ATP9A: variants seen among roughly 807,000 people sequenced by gnomAD.
ATP9A encodes the protein probable phospholipid-transporting ATPase IIA.
Under a neutral mutation model 144.1 loss-of-function variants are expected in ATP9A, and 52 were observed. The observed-to-expected ratio is 0.36, with a 90% CI of 0.29 to 0.45. The LOEUF (loss-of-function observed/expected upper bound fraction) is 0.45. Ranked by LOEUF, ATP9A falls within the 20% of genes least tolerant of loss-of-function variation. The pLI, the probability that ATP9A is intolerant of heterozygous loss-of-function variation, is 1.00. For synonymous variants in ATP9A, 582 were observed against 557.4 expected, an observed-to-expected ratio of 1.04 and a Z score of -0.62; for missense variants, 947 against 1,392.7, an observed-to-expected ratio of 0.68 and a Z score of 5.09.
intron 4 of ATP9A, among the ~76,000 whole-genome samples, chr20:51,704,338 G>A (rs2077606413): frequency 6.6e-6 from 1 of 151,428 alleles, no homozygotes; most frequent in Non-Finnish European, 1.5e-5. Flanking sequence ...AATACCTTTT[G>A]GGAATAACAG....
intron 25 of ATP9A, 106 bp downstream of exon 25, chr20:51,608,412 G>A: frequency 3.9e-6 from 3 of 775,812 alleles, no homozygotes; most frequent in Non-Finnish European, 6.9e-6. Flanking sequence ...ATCAGAATTG[G>A]AGGGTCTGTG....
At chr20:51,632,624 C>T (rs1374124844) in intron 15 of ATP9A, among the ~76,000 whole-genome samples, 1 of 152,096 alleles carries the variant, frequency 6.6e-6, no homozygotes, top group African/African-American at 2.4e-5. Flanking sequence ...CGAATGCCCC[C>T]AGGATGAGAA....
chr20:51,617,444 C>G, intron 22 of ATP9A, 46 bp downstream of exon 22: 1 of 1,573,058 alleles, frequency 6.4e-7, no homozygotes, highest in Non-Finnish European at 8.6e-7. Flanking sequence ...GAAAAAGAAC[C>G]AAGAAACTAC....
In ATP9A at chr20:51,638,893, G is replaced by A. The variant is rs111629306; in HGVS notation, c.1668+450C>T. Among the ~76,000 whole-genome samples, 1,338 of 152,128 alleles carry A rather than the reference G, an allele frequency of 8.8e-3. 19 individuals are homozygous for A. Among genetic ancestry groups the A allele is most frequent in the African/African-American group, 0.03 (1,248 of 41,494 alleles). On this transcript the variant is annotated intron_variant, in intron 15 of 27. Coordinates refer to ENST00000338821, the MANE Select transcript of ATP9A (RefSeq NM_006045.3). The stretch of plus-strand genomic sequence containing the variant: ...CTTCAGACTGGCAAAATTTTTTAAC[G>A]TGCCCGGCCACAAGGTTTCTTTTTT...
At chr20:51,660,094 C>A (rs1034276071) in intron 13 of ATP9A, among the ~76,000 whole-genome samples, 1 of 152,010 alleles carries the variant, frequency 6.6e-6, no homozygotes, top group South Asian at 2.1e-4. Flanking sequence ...TTAAAAAATT[C>A]TATAATTTAG....
rs576127237 is a variant in ATP9A, at chr20:51,611,909, A to C, written c.2572-1744T>G. On this transcript the variant is annotated intron_variant, in intron 23 of 27. Transcript: ENST00000338821. The surrounding 1 kb of genome is among the most constrained non-coding windows in gnomAD (Gnocchi z 4.2). ...TAAAACATAAAATCACCCCCAAAAA[A>C]CTGGGGTGTAGCCAGTGGACGGAAA... 6.6e-6 allele frequency among the ~76,000 whole-genome samples: 1 copy of C among 152,276 alleles called. No individual in the cohort carries two copies. The highest frequency in any genetic ancestry group is 2.1e-4 in the South Asian group (1 of 4,818).
intron 4 of ATP9A, among the ~76,000 whole-genome samples, chr20:51,699,927 C>A (rs2077586590): frequency 6.6e-6 from 1 of 152,182 alleles, no homozygotes; most frequent in Non-Finnish European, 1.5e-5. Flanking sequence ...AGGCATGAGC[C>A]ACTGCGCCCG....
intron 1 of ATP9A, among the ~76,000 whole-genome samples, chr20:51,731,763 T>G (rs950417198): frequency 6.6e-6 from 1 of 151,920 alleles, no homozygotes; most frequent in Non-Finnish European, 1.5e-5. Flanking sequence ...GCACCCAAGT[T>G]TGCAGAGACG....
chr20:51,653,209 G>C (rs1308899369), intron 14 of ATP9A, among the ~76,000 whole-genome samples: 1 of 149,070 alleles, frequency 6.7e-6, no homozygotes, highest in Non-Finnish European at 1.5e-5. Flanking sequence ...TCATGATTCA[G>C]AATCTTAGAA....
At chr20:51,606,267 T>C (rs2077163164) in intron 26 of ATP9A, among the ~76,000 whole-genome samples, 1 of 152,168 alleles carries the variant, frequency 6.6e-6, no homozygotes, top group Non-Finnish European at 1.5e-5. Context: ...AGAATAGTAA[T>C]AATAATAATC....
intron 14 of ATP9A, among the ~76,000 whole-genome samples, chr20:51,654,277 T>C (rs1367972235): frequency 6.6e-6 from 1 of 151,956 alleles, no homozygotes; most frequent in Non-Finnish European, 1.5e-5. Flanking sequence ...GGTGACAAAT[T>C]CCACTGCCCA....
At chr20:51,695,557 A>AGTTAGTT (rs1204355439) in intron 6 of ATP9A, among the ~76,000 whole-genome samples, 1 of 151,664 alleles carries the variant, frequency 6.6e-6, no homozygotes, top group East Asian at 1.9e-4. Context: ...AACTGCAAGG[A>AGTTAGTT]GTTAAGGGCC....
intron 16 of ATP9A, 80 bp from the exon 17 acceptor site, chr20:51,627,763 A>G: frequency 8.7e-7 from 1 of 1,154,244 alleles, no homozygotes; most frequent in Non-Finnish European, 1.3e-6. Flanking sequence ...GCCCAAGTGG[A>G]TGTGCCCCTC....
At chr20:51,740,644 C>A (rs962206463) in intron 1 of ATP9A, among the ~76,000 whole-genome samples, 1 of 148,866 alleles carries the variant, frequency 6.7e-6, no homozygotes, top group Non-Finnish European at 1.5e-5. Context: ...CATGGCTCAG[C>A]GCAGCCTCCT....
chr20:51,749,079 G>A (rs1354015131), intron 1 of ATP9A, among the ~76,000 whole-genome samples: 1 of 152,240 alleles, frequency 6.6e-6, no homozygotes, highest in East Asian at 1.9e-4. Flanking sequence ...AATGATCAAA[G>A]GCCAGGTGCA....
chr20:51,605,391 G>A (rs992057624), intron 26 of ATP9A, among the ~76,000 whole-genome samples: 16 of 152,332 alleles, frequency 1.1e-4, no homozygotes, highest in South Asian at 2.1e-4. Context: ...GCCAAGGTGG[G>A]TGGATTGCTT....
chr20:51,733,884 G>A (rs938219158), intron 1 of ATP9A, among the ~76,000 whole-genome samples: 3 of 151,550 alleles, frequency 2.0e-5, no homozygotes, highest in African/African-American at 7.3e-5. Context: ...ATGGTGTCCA[G>A]GGTGGTCTCA....
chr20:51,628,036 A>C (rs1043329694), intron 16 of ATP9A, among the ~76,000 whole-genome samples: 5 of 152,166 alleles, frequency 3.3e-5, no homozygotes, highest in Admixed American at 6.5e-5. Context: ...AAATAACCAC[A>C]ATCAATGATG....
intron 11 of ATP9A, among the ~76,000 whole-genome samples, chr20:51,673,699 T>C (rs887144238): frequency 6.6e-6 from 1 of 152,110 alleles, no homozygotes; most frequent in Non-Finnish European, 1.5e-5. Context: ...AGAGCCTCAG[T>C]GTGGTTCACA....
Sources: gnomAD v4.1 joint callset for allele counts (sites outside exome capture counted in the v4.1 genomes callset) on GRCh38, gnomAD v4.1.1 for gene constraint, Gnocchi (gnomAD v3.1) non-coding constraint, MANE v1.5 for transcripts, NCBI Gene and HGNC (gene_info 2026-07-23, HGNC 2026-07-21) for gene names.